STK39: variants seen among roughly 807,000 people sequenced by gnomAD.
STK39 encodes serine/threonine kinase 39.
STK39 carries 20 observed loss-of-function variants against 77.8 expected under a neutral mutation model. The observed-to-expected ratio is 0.26, with a 90% confidence interval of 0.18 to 0.37. The LOEUF is 0.37. STK39 is among the 10% of genes least tolerant of loss of function. STK39 has a pLI of 1.00. For synonymous variants in STK39, 246 were observed against 234.1 expected, an observed-to-expected ratio of 1.05 and a Z score of -0.47; for missense variants, 479 against 656.5, an observed-to-expected ratio of 0.73 and a Z score of 2.95.
chr2:168,247,367 C>CGCCGCT lies in STK39; in HGVS notation c.63_68dup (p.Ala26_Ala27dup). The CGCCGCT allele has an allele frequency of 3.0e-6, 3 of 998,282 alleles. No individual in the cohort carries two copies. The highest frequency in any genetic ancestry group is 3.7e-6 in the Non-Finnish European group (3 of 809,752). The allele number at this position is 998,282 out of a possible 1,614,324, so 61.8% of individuals were successfully genotyped here. ...TCGCGGCCGCCGGGGCCGCCGCCGC[C>CGCCGCT]GCCGCTGTCACCGGGGCCGCCTGCT... On this transcript the variant is annotated inframe_insertion, in exon 1 of 18. Coordinates refer to ENST00000355999, the MANE Select transcript of STK39 (RefSeq NM_013233.3).
intron 14 of STK39, among the ~76,000 whole-genome samples, chr2:168,046,711 A>G (rs537480124): frequency 2.6e-5 from 4 of 152,334 alleles, no homozygotes; most frequent in Admixed American, 2.0e-4. Context: ...AGTGGCAACC[A>G]AGAGGAAAAA....
At chr2:168,057,804 GTC>G (rs1299695939) in intron 14 of STK39, among the ~76,000 whole-genome samples, 1 of 152,084 alleles carries the variant, frequency 6.6e-6, no homozygotes, top group Non-Finnish European at 1.5e-5. Flanking sequence ...GCAAGGTACA[GTC>G]TCCTTGCACC....
intron 14 of STK39, among the ~76,000 whole-genome samples, chr2:168,020,408 A>G (rs1250446696): frequency 6.6e-6 from 1 of 152,128 alleles, no homozygotes. Context: ...AATGTTACAG[A>G]CACAGGAATT....
chr2:168,211,374 T>C (rs1394797493), intron 1 of STK39, among the ~76,000 whole-genome samples: 10 of 152,244 alleles, frequency 6.6e-5, no homozygotes, highest in African/African-American at 2.4e-4. Context: ...TAATTATTTA[T>C]TGGTCAGCAC....
intron 5 of STK39, among the ~76,000 whole-genome samples, chr2:168,148,407 G>A (rs1033686120): frequency 6.6e-6 from 1 of 152,196 alleles, no homozygotes; most frequent in African/African-American, 2.4e-5. Flanking sequence ...ATCCAAAGCA[G>A]GAGAAAGCTT....
chr2:168,207,526 G>A (rs1192822846), intron 1 of STK39, among the ~76,000 whole-genome samples: 5 of 152,328 alleles, frequency 3.3e-5, no homozygotes, highest in Admixed American at 1.3e-4. Context: ...CCTATGGGAT[G>A]TACTCAAGTA....
chr2:168,077,593 T>C (rs1385680608), intron 10 of STK39, among the ~76,000 whole-genome samples: 1 of 152,168 alleles, frequency 6.6e-6, no homozygotes, highest in Non-Finnish European at 1.5e-5. Flanking sequence ...TTCAAAAACC[T>C]ATGTAGGGAA....
At chr2:167,993,223 C>T (rs1481363210) in intron 16 of STK39, among the ~76,000 whole-genome samples, 2 of 152,134 alleles carry the variant, frequency 1.3e-5, no homozygotes, top group South Asian at 2.1e-4. Context: ...CAGCTGAAGC[C>T]CCACAATGGG....
intron 1 of STK39, among the ~76,000 whole-genome samples, chr2:168,200,433 G>A (rs1303362353): frequency 1.3e-5 from 2 of 152,128 alleles, no homozygotes; most frequent in Non-Finnish European, 2.9e-5. Context: ...GGGAGGCTGA[G>A]GCAGGTGGAT....
intron 1 of STK39, among the ~76,000 whole-genome samples, chr2:168,188,265 G>C (rs1442626985): frequency 1.3e-5 from 2 of 152,150 alleles, no homozygotes; most frequent in South Asian, 4.1e-4. Context: ...GAGAGGACTT[G>C]GATGAATGGA....
intron 2 of STK39, among the ~76,000 whole-genome samples, chr2:168,173,720 TG>T (rs1260120633): frequency 1.3e-5 from 2 of 152,094 alleles, no homozygotes; most frequent in Non-Finnish European, 2.9e-5. Flanking sequence ...ACCTAATTTT[TG>T]TAGTTTTAGT....
At chr2:168,013,644 A>G (rs1201583568) in intron 15 of STK39, among the ~76,000 whole-genome samples, 1 of 152,206 alleles carries the variant, frequency 6.6e-6, no homozygotes, top group East Asian at 1.9e-4. Flanking sequence ...AATGTCTTCC[A>G]AAGTCAGGGG....
chr2:168,044,974 G>C (rs1574417112), intron 14 of STK39, among the ~76,000 whole-genome samples: 1 of 152,082 alleles, frequency 6.6e-6, no homozygotes, highest in Non-Finnish European at 1.5e-5. Context: ...CCTGATAACA[G>C]AGAAGAGAAA....
rs546748937 is a variant in STK39 at position 168,111,743 on chromosome 2, C to T, written c.1089+17798G>A. ...AAGTTTGCAATATCAATTTGTATTC[C>T]ACTTTTCAATTCCTCTGTACTTCCT... is the stretch of plus-strand genomic sequence containing the variant. On this transcript the variant is annotated intron_variant, in intron 10 of 17. Coordinates refer to ENST00000355999, the MANE Select transcript of STK39 (RefSeq NM_013233.3). Among the ~76,000 whole-genome samples the T allele has an allele frequency of 5.9e-5, 9 of 152,270 alleles. No individual in the cohort carries two copies. The South Asian group carries it at 1.7e-3, about 28-fold the overall frequency.
At chr2:167,971,261 C>A (rs1692336624) in intron 16 of STK39, among the ~76,000 whole-genome samples, 1 of 152,158 alleles carries the variant, frequency 6.6e-6, no homozygotes, top group African/African-American at 2.4e-5. Flanking sequence ...GAAGTCATGA[C>A]ACAAACTGGA....
chr2:168,040,699 C>T (rs1215818662), intron 14 of STK39, among the ~76,000 whole-genome samples: 1 of 152,264 alleles, frequency 6.6e-6, no homozygotes, highest in Non-Finnish European at 1.5e-5. Context: ...GTAATACAAG[C>T]ATATGGCATC....
chr2:168,108,582 AG>A (rs1687041442), intron 10 of STK39, among the ~76,000 whole-genome samples: 1 of 151,918 alleles, frequency 6.6e-6, no homozygotes, highest in African/African-American at 2.4e-5. Context: ...AAAAAAAAAA[AG>A]AAACGATGGG....
At position 168,134,425 on chromosome 2, in the gene STK39, C is replaced by T. The variant is rs759648388; in HGVS notation, c.974+3663G>A. On this transcript the variant is annotated intron_variant, in intron 8 of 17. Transcript: ENST00000355999. ...CTTTGACCTCAAGCAGAGCTGCTTT[C>T]CTCCCCACACCACTCCCCACAAAAG... Among the ~76,000 whole-genome samples the T allele has an allele frequency of 8.8e-4, 134 of 152,046 alleles. 1 individual carries two copies. Among genetic ancestry groups the T allele is most frequent in the Non-Finnish European group, 1.7e-3 (117 of 68,012 alleles).
At position 167,986,589 on chromosome 2, in the gene STK39, C is replaced by A. The variant is rs577860516; in HGVS notation, c.1499-21863G>T. Among the ~76,000 whole-genome samples, 128 of 152,212 alleles carry A rather than the reference C, an allele frequency of 8.4e-4. No individual in the cohort carries two copies. The Middle Eastern group carries it at 0.01, about 12-fold the overall frequency. ...TGTCTTTCAGCCTTAGATACCTGAG[C>A]ACCAGAAATGGATTTAGACTTTTAA... On this transcript the variant is annotated intron_variant, in intron 16 of 17. Coordinates refer to ENST00000355999, the MANE Select transcript of STK39 (RefSeq NM_013233.3).
Sources: gnomAD v4.1 joint callset for allele counts (sites outside exome capture counted in the v4.1 genomes callset) on GRCh38, gnomAD v4.1.1 for gene constraint, MANE v1.5 for transcripts, NCBI Gene and HGNC (gene_info 2026-07-23, HGNC 2026-07-21) for gene names.